Variants in RAB3GAP1 observed in about 807,000 individuals in gnomAD.
The protein encoded by RAB3GAP1 is RAB3 GTPase activating protein catalytic subunit 1, also known as rab3 GTPase-activating protein catalytic subunit.
In RAB3GAP1, 86 loss-of-function variants were observed where a neutral mutation model predicts 130.7. The observed-to-expected ratio is 0.66, with a 90% CI of 0.55 to 0.79. The LOEUF is 0.79. Ranked by LOEUF, RAB3GAP1 falls within the 30% of genes least tolerant of loss-of-function variation. RAB3GAP1 has a pLI of 0.00. For synonymous variants in RAB3GAP1, 367 were observed against 401.7 expected, an observed-to-expected ratio of 0.91 and a Z score of 1.03; for missense variants, 1,029 against 1,169.4, an observed-to-expected ratio of 0.88 and a Z score of 1.75.
At chr2:135,113,594 C>T (rs1461324502) in intron 6 of RAB3GAP1, among the ~76,000 whole-genome samples, 1 of 152,180 alleles carries the variant, frequency 6.6e-6, no homozygotes, top group Non-Finnish European at 1.5e-5. Context: ...GAAGCAAACT[C>T]CGAGCTGTAA....
intron 19 of RAB3GAP1, among the ~76,000 whole-genome samples, chr2:135,159,784 A>G (rs1342812266): frequency 6.6e-6 from 1 of 152,232 alleles, no homozygotes; most frequent in Non-Finnish European, 1.5e-5. Flanking sequence ...TGTCCATGCA[A>G]TGGAGTATTA....
chr2:135,146,134 T>C (rs1343785238), intron 17 of RAB3GAP1, among the ~76,000 whole-genome samples: 1 of 151,860 alleles, frequency 6.6e-6, no homozygotes, highest in East Asian at 1.9e-4. Context: ...TTCTCATGAT[T>C]AAATTTTAGT....
At position 135,122,338 on chromosome 2, in the gene RAB3GAP1, T is replaced by G. The variant is rs1373397522; in HGVS notation, c.748+1420T>G. Reference sequence around the variant, plus strand: ...AGTACCCACTGGACAATTTACAGTCTATGTCTGGTTAGAAGTTTCCATTCT... The same window carrying G: ...AGTACCCACTGGACAATTTACAGTCGATGTCTGGTTAGAAGTTTCCATTCT... On this transcript the variant is annotated intron_variant, in intron 8 of 23. Coordinates refer to ENST00000264158, the MANE Select transcript of RAB3GAP1 (RefSeq NM_012233.3). Among the ~76,000 whole-genome samples, 3 of 152,058 alleles carry G rather than the reference T, an allele frequency of 2.0e-5. No homozygotes were observed. The East Asian group carries it at 5.8e-4, about 29-fold the overall frequency.
intron 15 of RAB3GAP1, 114 bp from the exon 16 acceptor site, chr2:135,135,151 C>G: frequency 2.4e-6 from 2 of 842,648 alleles, no homozygotes; most frequent in Non-Finnish European, 4.0e-6. Flanking sequence ...CTGTGGAAAT[C>G]TAGTTTTGAT....
At chr2:135,084,501 T>G (rs1689921347) in intron 3 of RAB3GAP1, among the ~76,000 whole-genome samples, 1 of 152,234 alleles carries the variant, frequency 6.6e-6, no homozygotes, top group South Asian at 2.1e-4. Context: ...AGGATCCAAC[T>G]TTATTCTTTT....
At chr2:135,091,157 A>G in intron 4 of RAB3GAP1, 27 bp downstream of exon 4, 2 of 1,532,292 alleles carry the variant, frequency 1.3e-6, no homozygotes, top group South Asian at 1.1e-5. Context: ...TAATAATATT[A>G]ACTTCTGATT....
At chr2:135,060,810 A>G (rs1271718366) in intron 3 of RAB3GAP1, among the ~76,000 whole-genome samples, 1 of 152,074 alleles carries the variant, frequency 6.6e-6, no homozygotes, top group Non-Finnish European at 1.5e-5. Flanking sequence ...GGTTCAAGCA[A>G]GTCATATGCC....
rs181395262 is a variant in RAB3GAP1 at position 135,162,363 on chromosome 2, A to G, written c.2290-192A>G. 7 of 603,724 alleles carry G rather than the reference A, an allele frequency of 1.2e-5. No homozygotes were observed. In the East Asian group the frequency reaches 1.2e-4, roughly 10 times the overall value. 37.4% of individuals were successfully genotyped at this position (603,724 alleles called of 1,614,324 possible). On this transcript the variant is annotated intron_variant, in intron 19 of 23. Transcript: ENST00000264158. ...GAAAGCAGAAAAAAATAGAATATTT[A>G]TAATTATTAAAGATTGAAGTTCTTA...
At chr2:135,166,851 G>A (rs966418064) in intron 23 of RAB3GAP1, among the ~76,000 whole-genome samples, 1 of 152,030 alleles carries the variant, frequency 6.6e-6, no homozygotes, top group African/African-American at 2.4e-5. Flanking sequence ...TCATCTTTCA[G>A]TAGCCTCATT....
At chr2:135,094,648 T>G (rs1303769169) in intron 5 of RAB3GAP1, among the ~76,000 whole-genome samples, 1 of 152,172 alleles carries the variant, frequency 6.6e-6, no homozygotes, top group South Asian at 2.1e-4. Flanking sequence ...TTAAATCTTC[T>G]TGTAAAACTT....
chr2:135,062,212 C>T (rs1328687661), intron 3 of RAB3GAP1, among the ~76,000 whole-genome samples: 1 of 152,126 alleles, frequency 6.6e-6, no homozygotes, highest in Non-Finnish European at 1.5e-5. Flanking sequence ...CTGCGCCCGT[C>T]GTATATTGTC....
intron 4 of RAB3GAP1, 65 bp downstream of exon 4, chr2:135,091,195 T>C: frequency 2.1e-6 from 3 of 1,433,650 alleles, no homozygotes; most frequent in Non-Finnish European, 2.9e-6. Context: ...TTTTGAATTA[T>C]TAATTTAGTG....
At chr2:135,121,775 G>A (rs748531720) in intron 8 of RAB3GAP1, among the ~76,000 whole-genome samples, 29 of 152,050 alleles carry the variant, frequency 1.9e-4, no homozygotes, top group Admixed American at 4.6e-4. Flanking sequence ...GAAAAAATTG[G>A]TAGGCATGAG....
rs199983133 is a variant in RAB3GAP1, at chr2:135,168,678, C to T, written c.2843C>T (p.Pro948Leu). ...ATTTTGCGCACCACTGTGCCGCGCCCTGCTCCCTACTCCAAAGCTCTGCCT... is the reference window on the plus strand; with the variant it reads ...ATTTTGCGCACCACTGTGCCGCGCCTTGCTCCCTACTCCAAAGCTCTGCCT... Reference protein sequence around the residue: ...EFILRTTVPRPAPYSKALPQR... With the variant: ...EFILRTTVPRLAPYSKALPQR... The change falls in exon 24 of 24, where the codon CCT becomes CTT. Residue 948 changes from proline (P) to leucine (L), a missense_variant. This residue lies in a region of RAB3GAP1 where 146 missense variants were observed against 143.7 expected (regional missense o/e 1.02). Transcript: ENST00000264158. 2.5e-6 allele frequency: 4 copies of T among 1,614,230 alleles called. No homozygotes were observed. In the Admixed American group the frequency reaches 5.0e-5, roughly 20 times the overall value.
intron 2 of RAB3GAP1, among the ~76,000 whole-genome samples, chr2:135,053,220 C>T (rs183426705): frequency 6.6e-6 from 1 of 152,330 alleles, no homozygotes; most frequent in East Asian, 1.9e-4. Flanking sequence ...CAAGCCTGGG[C>T]CGCCCAAAGT....
At chr2:135,098,752 A>T (rs920266476) in intron 5 of RAB3GAP1, among the ~76,000 whole-genome samples, 1 of 152,170 alleles carries the variant, frequency 6.6e-6, no homozygotes, top group African/African-American at 2.4e-5. Flanking sequence ...TGTAAATGTT[A>T]TATATTATGT....
chr2:135,121,595 T>C (rs1383573100), intron 8 of RAB3GAP1, among the ~76,000 whole-genome samples: 1 of 152,178 alleles, frequency 6.6e-6, no homozygotes, highest in Non-Finnish European at 1.5e-5. Flanking sequence ...TTTCACATGT[T>C]TGATTATATT....
chr2:135,080,065 G>A (rs560320261), intron 3 of RAB3GAP1, among the ~76,000 whole-genome samples: 7 of 148,860 alleles, frequency 4.7e-5, no homozygotes, highest in African/African-American at 1.7e-4. Context: ...TGCAGTGAGC[G>A]GAGATCGCAC....
At chr2:135,153,517 A>G in intron 18 of RAB3GAP1, 132 bp from the exon 19 acceptor site, 1 of 797,000 alleles carries the variant, frequency 1.3e-6, no homozygotes, top group African/African-American at 1.7e-5. Flanking sequence ...TAAAGGTGAC[A>G]TCCAAATTCA....
Sources: gnomAD v4.1 joint callset for allele counts (sites outside exome capture counted in the v4.1 genomes callset) on GRCh38, gnomAD v4.1.1 for gene constraint, gnomAD v4.1.1 regional missense constraint, MANE v1.5 for transcripts, NCBI Gene and HGNC (gene_info 2026-07-23, HGNC 2026-07-21) for gene names.